Variants in FAM204A observed in about 807,000 individuals in gnomAD.
FAM204A encodes protein FAM204A.
FAM204A carries 16 observed loss-of-function variants against 35.4 expected under a neutral mutation model. That is an observed-to-expected ratio of 0.45 (90% CI 0.31 to 0.69). The LOEUF (loss-of-function observed/expected upper bound fraction) is 0.69, where lower values mean the gene tolerates loss of function less well. Among genes scored for constraint, FAM204A ranks in the 30% least tolerant of loss-of-function variants. The pLI is 0.07. For synonymous variants in FAM204A, 76 were observed against 86.9 expected (o/e 0.88, Z 0.70); for missense variants, 240 against 265.7 (o/e 0.90, Z 0.67).
At chr10:118,341,219 A>T (rs527301394) in intron 2 of FAM204A, among the ~76,000 whole-genome samples, 1 of 152,308 alleles carries the variant, frequency 6.6e-6, no homozygotes, top group East Asian at 1.9e-4. Flanking sequence ...TCTCTATTCC[A>T]GAATTTAAAT....
chr10:118,332,171 C>T (rs368459592), intron 6 of FAM204A, among the ~76,000 whole-genome samples: 2 of 1,592 alleles, frequency 1.3e-3, no homozygotes, highest in African/African-American at 1.5e-3. Flanking sequence ...GACTCTGTTT[C>T]AGAAAAAAAA....
At position 118,308,190 on chromosome 10, in the gene FAM204A, A is replaced by G. The variant is rs1380229836; in HGVS notation, c.*2667T>C. ...GCCTAAAGTACTTAAATAGTAAATC[A>G]TAGTTACATTAATGCCATACCAACG... is the stretch of plus-strand genomic sequence containing the variant. On this transcript the variant is annotated 3_prime_UTR_variant, in exon 9 of 9. Coordinates refer to ENST00000369183, the MANE Select transcript of FAM204A (RefSeq NM_022063.3). 1 of 152,228 alleles carries G rather than the reference A, an allele frequency of 6.6e-6. No individual in the cohort carries two copies. The highest frequency in any genetic ancestry group is 1.5e-5 in the Non-Finnish European group (1 of 68,036). 9.4% of individuals were successfully genotyped at this position (152,228 alleles called of 1,614,324 possible).
In FAM204A at chr10:118,335,389, T is replaced by C. The variant is rs750324700; in HGVS notation, c.353+7A>G. On this transcript the variant is annotated splice_region_variant and intron_variant, in intron 5 of 8. Transcript: ENST00000369183. ...TAAAATAGATAACTATTTTAAATTC[T>C]ACCTACCTATGTAATTCTTTTTCAT... The C allele has an allele frequency of 6.3e-7, 1 of 1,589,992 alleles. No homozygotes were observed. The highest frequency in any genetic ancestry group is 1.8e-5 in the Admixed American group (1 of 56,560).
chr10:118,302,372 G>A lies in FAM204A; in HGVS notation c.*8485C>T, dbSNP rs1845816960. On this transcript the variant is annotated 3_prime_UTR_variant, in exon 9 of 9. Transcript: ENST00000369183. Reference sequence around the variant, plus strand: ...AGCAGCCGTCACTGCCACAGGCTACGGAGGTAAAGGAAGCAGCAAAACAAA... The same window carrying A: ...AGCAGCCGTCACTGCCACAGGCTACAGAGGTAAAGGAAGCAGCAAAACAAA... 6.6e-6 allele frequency: 1 copy of A among 152,214 alleles called. No individual in the cohort carries two copies. The allele number at this position is 152,214 out of a possible 1,614,324, so 9.4% of individuals were successfully genotyped here.
intron 7 of FAM204A, among the ~76,000 whole-genome samples, chr10:118,314,106 T>C (rs1356538417): frequency 6.6e-6 from 1 of 152,238 alleles, no homozygotes; most frequent in Non-Finnish European, 1.5e-5. Flanking sequence ...ATATGCTTGT[T>C]AAAAATAATT....
chr10:118,329,176 CT>C (rs1408934484), intron 6 of FAM204A, among the ~76,000 whole-genome samples: 1 of 152,204 alleles, frequency 6.6e-6, no homozygotes, highest in African/African-American at 2.4e-5. Context: ...CCTATCTGAA[CT>C]CTATTTTGGC....
intron 6 of FAM204A, among the ~76,000 whole-genome samples, chr10:118,328,151 G>A (rs761632783): frequency 6.6e-6 from 1 of 152,184 alleles, no homozygotes; most frequent in Non-Finnish European, 1.5e-5. Context: ...TGAAAGTTCC[G>A]CCTCCACAAC....
At chr10:118,313,419 A>G (rs937961544) in intron 7 of FAM204A, among the ~76,000 whole-genome samples, 8 of 152,172 alleles carry the variant, frequency 5.3e-5, no homozygotes, top group Non-Finnish European at 4.4e-5. Flanking sequence ...ATTTCTGCTC[A>G]GAGCCCACTG....
chr10:118,327,518 A>G (rs1292268606), intron 6 of FAM204A, among the ~76,000 whole-genome samples: 2 of 152,150 alleles, frequency 1.3e-5, no homozygotes, highest in African/African-American at 2.4e-5. Flanking sequence ...GGCCATACGG[A>G]TCTAATGCTC....
intron 7 of FAM204A, 107 bp downstream of exon 7, chr10:118,326,047 C>A: frequency 1.4e-5 from 11 of 771,174 alleles, no homozygotes; most frequent in South Asian, 5.7e-5. Context: ...AAAGGAAAAC[C>A]TCAGATGAAA....
chr10:118,320,712 G>A (rs924539406), intron 7 of FAM204A, among the ~76,000 whole-genome samples: 7 of 151,912 alleles, frequency 4.6e-5, no homozygotes, highest in Non-Finnish European at 7.4e-5. Context: ...CAAAACCAAA[G>A]ACGACAGCAT....
chr10:118,335,449 C>A lies in FAM204A; in HGVS notation c.323-23G>T. 1.9e-6 allele frequency: 3 copies of A among 1,598,496 alleles called. No homozygotes were observed. The South Asian group carries it at 3.4e-5, about 18-fold the overall frequency. ...TATCTGAAAAGAATTCACAAAGTGTCAATACCTAACTTCAGTAATTTCAAA... is the reference window on the plus strand; with the variant it reads ...TATCTGAAAAGAATTCACAAAGTGTAAATACCTAACTTCAGTAATTTCAAA... On this transcript the variant is annotated intron_variant, in intron 4 of 8. Transcript: ENST00000369183.
At chr10:118,339,666 A>G (rs1367723380) in intron 2 of FAM204A, among the ~76,000 whole-genome samples, 3 of 152,200 alleles carry the variant, frequency 2.0e-5, no homozygotes, top group Non-Finnish European at 4.4e-5. Context: ...ATAATTTTCA[A>G]TTTAATCATT....
At chr10:118,334,560 T>C (rs1050751281) in intron 6 of FAM204A, among the ~76,000 whole-genome samples, 1 of 152,216 alleles carries the variant, frequency 6.6e-6, no homozygotes, top group Non-Finnish European at 1.5e-5. Context: ...CTTTTTAACA[T>C]AGGTCATGTC....
At chr10:118,318,552 T>C (rs1480032183) in intron 7 of FAM204A, among the ~76,000 whole-genome samples, 1 of 152,168 alleles carries the variant, frequency 6.6e-6, no homozygotes, top group African/African-American at 2.4e-5. Flanking sequence ...CTGCAACCTT[T>C]CCGCAGGGTC....
At chr10:118,318,128 AG>A (rs1846059170) in intron 7 of FAM204A, among the ~76,000 whole-genome samples, 1 of 152,030 alleles carries the variant, frequency 6.6e-6, no homozygotes, top group Non-Finnish European at 1.5e-5. Context: ...ATTGCTGATC[AG>A]TGAAATATAC....
chr10:118,338,800 C>T (rs1846427502), intron 2 of FAM204A, among the ~76,000 whole-genome samples: 1 of 152,212 alleles, frequency 6.6e-6, no homozygotes, highest in African/African-American at 2.4e-5. Flanking sequence ...AGTCTATGCT[C>T]TGGGCACCCA....
In FAM204A at chr10:118,310,863, G is replaced by A. The variant is rs1845941410; in HGVS notation, c.696C>T (p.Tyr232=). ...CTTGAAGCACTCTGGCAAGTTACAT[G>A]TATCCCATGTTGCTTTTGGTTTCCC... The part of the protein sequence containing the change: ...KRWETKSNMG[Y]M The change falls in exon 9 of 9, where the codon TAC becomes TAT. Residue 232 remains tyrosine (Y), a synonymous_variant. Coordinates refer to ENST00000369183, the MANE Select transcript of FAM204A (RefSeq NM_022063.3). 1.9e-6 allele frequency: 3 copies of A among 1,601,928 alleles called. No homozygotes were observed. Among genetic ancestry groups the A allele is most frequent in the African/African-American group, 2.7e-5 (2 of 74,388 alleles).
At chr10:118,329,535 G>A (rs546935324) in intron 6 of FAM204A, among the ~76,000 whole-genome samples, 14 of 151,862 alleles carry the variant, frequency 9.2e-5, no homozygotes, top group Admixed American at 2.6e-4. Flanking sequence ...CTCTATCTAC[G>A]CAGAGCTCCT....
Sources: allele counts gnomAD v4.1 joint callset (sites outside exome capture counted in the v4.1 genomes callset), GRCh38; gene constraint gnomAD v4.1.1; transcripts MANE v1.5; gene names NCBI Gene and HGNC (gene_info 2026-07-23, HGNC 2026-07-21).